INPP5K: variants seen among roughly 807,000 people sequenced by gnomAD.
The protein encoded by INPP5K is inositol polyphosphate-5-phosphatase K, also known as inositol polyphosphate 5-phosphatase K.
Under a neutral mutation model 53.5 loss-of-function variants are expected in INPP5K, and 35 were observed. That is an observed-to-expected ratio of 0.65 (90% CI 0.50 to 0.87). INPP5K has a LOEUF of 0.87. INPP5K is among the 40% of genes least tolerant of loss of function. The probability of loss-of-function intolerance (pLI) is 0.00; values close to 1 mark genes in which losing one functional copy is unlikely to be tolerated. For synonymous variants in INPP5K, 253 were observed against 232.8 expected (o/e 1.09, Z -0.79); for missense variants, 550 against 586.2 (o/e 0.94, Z 0.64).
chr17:1,509,995 T>C (rs2075269447), intron 3 of INPP5K, among the ~76,000 whole-genome samples, 196 bp from the exon 4 acceptor site: 1 of 152,236 alleles, frequency 6.6e-6, no homozygotes, highest in Non-Finnish European at 1.5e-5. Flanking sequence ...TGATACATTC[T>C]GGGGGCTGAG....
chr17:1,510,799 T>C (rs554435514), intron 3 of INPP5K, among the ~76,000 whole-genome samples: 14 of 152,132 alleles, frequency 9.2e-5, no homozygotes, highest in Non-Finnish European at 1.8e-4. Context: ...GCTATTTTTG[T>C]TTGTTTTGTA....
intron 7 of INPP5K, among the ~76,000 whole-genome samples, chr17:1,505,726 G>A (rs1211883419): frequency 6.6e-6 from 1 of 152,168 alleles, no homozygotes; most frequent in South Asian, 2.1e-4. Context: ...TGGCTGTGGA[G>A]ATATTTCTTC....
At chr17:1,503,099 T>C (rs1446834617) in intron 7 of INPP5K, among the ~76,000 whole-genome samples, 2 of 151,954 alleles carry the variant, frequency 1.3e-5, no homozygotes, top group Admixed American at 6.6e-5. Context: ...TTGCCCAGGC[T>C]GAACCTGAGC....
At chr17:1,497,765 C>T (rs2074894626) in intron 8 of INPP5K, 171 bp downstream of exon 8, 1 of 614,394 alleles carries the variant, frequency 1.6e-6, no homozygotes, top group Non-Finnish European at 2.9e-6. Flanking sequence ...ACAGAGCCAT[C>T]AACGGCTCCT....
chr17:1,499,237 C>T lies in INPP5K; in HGVS notation c.777-1115G>A, dbSNP rs549428008. Among the ~76,000 whole-genome samples, 5 of 152,282 alleles carry T rather than the reference C, an allele frequency of 3.3e-5. No homozygotes were observed. In the South Asian group the frequency reaches 8.3e-4, roughly 25 times the overall value. ...CTCTCAAGAGTCGACTGAGAGGCCG[C>T]GCGCGGTGCTCACGCCTGTAATCCA... On this transcript the variant is annotated intron_variant, in intron 7 of 11. Transcript: ENST00000421807.
chr17:1,503,336 A>C (rs1321665531), intron 7 of INPP5K, among the ~76,000 whole-genome samples: 1 of 151,122 alleles, frequency 6.6e-6, no homozygotes, highest in East Asian at 2.0e-4. Flanking sequence ...GGTGCCCGCC[A>C]CCATGCCCGG....
chr17:1,498,726 T>C (rs1056800965), intron 7 of INPP5K, among the ~76,000 whole-genome samples: 5 of 152,186 alleles, frequency 3.3e-5, no homozygotes. Context: ...CTCAGCCTCC[T>C]GAGTGGCTGG....
intron 1 of INPP5K, 58 bp from the exon 2 acceptor site, chr17:1,514,037 G>C: frequency 7.9e-7 from 1 of 1,271,332 alleles, no homozygotes; most frequent in Non-Finnish European, 1.1e-6. Flanking sequence ...AGTGCACGGG[G>C]TCGGCTGGGC....
In INPP5K at chr17:1,498,025, G is replaced by A. The variant is rs369543706; in HGVS notation, c.874C>T (p.His292Tyr). ...GPDTPIPPAS[H>Y]FSLSLRGYSS... Reference sequence around the variant, plus strand: ...TAGCCCCTCAGAGACAAGGAGAAGTGTGACGCCGGCGGTATGGGAGTGTCG... The same window carrying A: ...TAGCCCCTCAGAGACAAGGAGAAGTATGACGCCGGCGGTATGGGAGTGTCG... The change falls in exon 8 of 12, where the codon CAC becomes TAC. Residue 292 changes from histidine to tyrosine, a missense_variant. By Grantham distance (83) the His-to-Tyr change is moderately conservative. Coordinates refer to ENST00000421807, the MANE Select transcript of INPP5K (RefSeq NM_016532.4). The A allele has an allele frequency of 5.0e-6, 8 of 1,614,042 alleles. No homozygotes were observed. Among genetic ancestry groups the A allele is most frequent in the African/African-American group, 1.3e-5 (1 of 74,922 alleles).
In INPP5K at chr17:1,495,610, A is replaced by G; in HGVS notation, c.*213T>C. 3.6e-6 allele frequency: 2 copies of G among 553,818 alleles called. No individual in the cohort carries two copies. The highest frequency in any genetic ancestry group is 6.4e-6 in the Non-Finnish European group (2 of 313,882). 34.3% of individuals were successfully genotyped at this position (553,818 alleles called of 1,614,324 possible). ...CACTAGCTGGTTTCACTCACATCTC[A>G]GCAACAAAAACCTGTATTTAAGCGG... On this transcript the variant is annotated 3_prime_UTR_variant, in exon 12 of 12. Transcript: ENST00000421807.
intron 4 of INPP5K, 60 bp from the exon 5 acceptor site, chr17:1,509,413 C>A: frequency 6.6e-7 from 1 of 1,506,524 alleles, no homozygotes; most frequent in South Asian, 1.2e-5. Context: ...ACCCCTCTTT[C>A]CACATCCTGG....
intron 1 of INPP5K, among the ~76,000 whole-genome samples, chr17:1,514,375 G>A (rs756454328): frequency 6.6e-6 from 1 of 151,906 alleles, no homozygotes; most frequent in African/African-American, 2.4e-5. Flanking sequence ...TTATGTCACT[G>A]CAATCTGCCA....
At chr17:1,498,696 C>T (rs914807748) in intron 7 of INPP5K, among the ~76,000 whole-genome samples, 2 of 152,178 alleles carry the variant, frequency 1.3e-5, no homozygotes, top group African/African-American at 4.8e-5. Context: ...CCTCAAACTA[C>T]TGGGCTCAGG....
intron 1 of INPP5K, 67 bp downstream of exon 1, chr17:1,516,389 C>T (rs1044507677): frequency 6.2e-5 from 93 of 1,503,752 alleles, no homozygotes; most frequent in Middle Eastern, 5.1e-4. Flanking sequence ...TGTCCACCCC[C>T]AGCCCGCAGC....
chr17:1,508,061 T>C, intron 6 of INPP5K, 54 bp downstream of exon 6: 5 of 1,224,944 alleles, frequency 4.1e-6, no homozygotes, highest in Non-Finnish European at 4.8e-6. Flanking sequence ...ACAGCTCACA[T>C]GGCCCCCACC....
At position 1,501,473 on chromosome 17, in the gene INPP5K, CT is replaced by C. The variant is rs1567551703; in HGVS notation, c.777-3352del. Among the ~76,000 whole-genome samples the C allele has an allele frequency of 2.0e-5, 3 of 152,328 alleles. No homozygotes were observed. The East Asian group carries it at 5.8e-4, about 29-fold the overall frequency. On this transcript the variant is annotated intron_variant, in intron 7 of 11. Transcript: ENST00000421807. The stretch of plus-strand genomic sequence containing the variant: ...TTTCTCTAAGCCTCAGTTTCTTCAG[CT>C]GTTAAGACGGGGTGATAACAGTACT...
At position 1,516,609 on chromosome 17, in the gene INPP5K, G is replaced by A. The variant is rs2075446785; in HGVS notation, c.-110C>T. On this transcript the variant is annotated 5_prime_UTR_variant, in exon 1 of 12. Coordinates refer to ENST00000421807, the MANE Select transcript of INPP5K (RefSeq NM_016532.4). ...CGGTCTCACGCGCCTAGCTGTCGCGGACTGTTTTTCTTCCGGACTCCGACC... is the reference window on the plus strand; with the variant it reads ...CGGTCTCACGCGCCTAGCTGTCGCGAACTGTTTTTCTTCCGGACTCCGACC... 7.1e-7 allele frequency: 1 copy of A among 1,410,192 alleles called. No homozygotes were observed. The highest frequency in any genetic ancestry group is 9.2e-7 in the Non-Finnish European group (1 of 1,090,726). 87.4% of individuals were successfully genotyped at this position (1,410,192 alleles called of 1,614,324 possible).
At chr17:1,507,646 T>C (rs1014159473) in intron 6 of INPP5K, 1 of 156,378 alleles carries the variant, frequency 6.4e-6, no homozygotes, top group African/African-American at 2.4e-5. Flanking sequence ...GTTCAAGCGA[T>C]TCCCCTACCT....
chr17:1,516,004 G>A (rs1398417271), intron 1 of INPP5K: 19 of 999,502 alleles, frequency 1.9e-5, no homozygotes, highest in Non-Finnish European at 2.1e-5. Context: ...GTTGTTCCCC[G>A]TGAAAGAGCA....
Sources: allele counts gnomAD v4.1 joint callset (sites outside exome capture counted in the v4.1 genomes callset), GRCh38; gene constraint gnomAD v4.1.1; transcripts MANE v1.5; gene names NCBI Gene and HGNC (gene_info 2026-07-23, HGNC 2026-07-21).